Variants in ARNT2 observed in about 807,000 individuals in gnomAD.
The protein encoded by ARNT2 is ARNT protein 2.
A neutral mutation model predicts 91.7 loss-of-function variants in ARNT2; 36 were observed. The ratio of observed to expected loss-of-function variants is 0.39; its 90% CI spans 0.30 to 0.52. The LOEUF is 0.52. Ranked by LOEUF, ARNT2 falls within the 20% of genes least tolerant of loss-of-function variation. The pLI is 0.72. For missense variants in ARNT2, 775 were observed against 939.3 expected, an observed-to-expected ratio of 0.83 and a Z score of 2.29; for synonymous variants, 365 against 347.1, an observed-to-expected ratio of 1.05 and a Z score of -0.57.
At chr15:80,534,514 T>C (rs1471895933) in intron 8 of ARNT2, among the ~76,000 whole-genome samples, 3 of 152,238 alleles carry the variant, frequency 2.0e-5, no homozygotes, top group Non-Finnish European at 4.4e-5. Context: ...GACAATATTC[T>C]AGCACTTCTC....
Position 80,404,603 on chromosome 15 carries a change from C to G in ARNT2, c.31+57C>G. ...GCAGCCCGCAGGCCTTGCCCGGGGCCGGAGCGGACCAGGCGCGCCGGGCGC... is the reference window on the plus strand; with the variant it reads ...GCAGCCCGCAGGCCTTGCCCGGGGCGGGAGCGGACCAGGCGCGCCGGGCGC... On this transcript the variant is annotated intron_variant, in intron 1 of 18. Transcript: ENST00000303329. The surrounding 1 kb of genome is among the most constrained non-coding windows in gnomAD (Gnocchi z 5.5). 2.0e-6 allele frequency: 2 copies of G among 1,020,242 alleles called. No individual in the cohort carries two copies. The highest frequency in any genetic ancestry group is 1.2e-6 in the Non-Finnish European group (1 of 852,482). The allele number at this position is 1,020,242 out of a possible 1,614,324, so 63.2% of individuals were successfully genotyped here. A position where few individuals can be genotyped will look rare whatever the true frequency, so the allele number is the denominator to read the frequency against.
At chr15:80,592,882 T>G (rs1893304929) in intron 18 of ARNT2, among the ~76,000 whole-genome samples, 1 of 152,240 alleles carries the variant, frequency 6.6e-6, no homozygotes, top group South Asian at 2.1e-4. Flanking sequence ...GTTATTGAGT[T>G]TCTTTATTGC....
intron 17 of ARNT2, among the ~76,000 whole-genome samples, chr15:80,585,075 T>A (rs1898870507): frequency 6.6e-6 from 1 of 152,242 alleles, no homozygotes; most frequent in South Asian, 2.1e-4. Context: ...GTGAAACACA[T>A]GCTGGTTTTG....
chr15:80,461,698 G>A (rs536297905), intron 3 of ARNT2, among the ~76,000 whole-genome samples: 8 of 152,218 alleles, frequency 5.3e-5, no homozygotes, highest in East Asian at 1.9e-4. Context: ...GTGTGGGTGG[G>A]CAGTGGTGAT....
chr15:80,580,377 G>T, intron 15 of ARNT2, 34 bp from the exon 16 acceptor site: 1 of 1,613,174 alleles, frequency 6.2e-7, no homozygotes, highest in South Asian at 1.1e-5. Context: ...AACCAGGTGT[G>T]TCCTCGGGAT....
chr15:80,431,873 C>T (rs908706909), intron 1 of ARNT2, among the ~76,000 whole-genome samples: 13 of 152,188 alleles, frequency 8.5e-5, no homozygotes, highest in Admixed American at 7.2e-4. Context: ...GTGGAGAGCA[C>T]CCAGCAGGGG....
At chr15:80,510,334 C>G (rs1464385502) in intron 6 of ARNT2, among the ~76,000 whole-genome samples, 5 of 151,902 alleles carry the variant, frequency 3.3e-5, no homozygotes, top group African/African-American at 1.2e-4. Context: ...CTATAAGAAA[C>G]TTAAACAAAT....
At chr15:80,516,113 C>T (rs928884872) in intron 8 of ARNT2, among the ~76,000 whole-genome samples, 3 of 152,148 alleles carry the variant, frequency 2.0e-5, no homozygotes, top group African/African-American at 4.8e-5. Context: ...TCAGGTGATC[C>T]ACCTGCCTCG....
At chr15:80,577,051 T>C (rs1596022609) in intron 15 of ARNT2, 86 bp downstream of exon 15, 1 of 1,361,570 alleles carries the variant, frequency 7.3e-7, no homozygotes, top group East Asian at 2.3e-5. Context: ...CTCTGTGGGC[T>C]GTAAGCATGA....
intron 17 of ARNT2, among the ~76,000 whole-genome samples, chr15:80,586,733 G>T (rs185545953): frequency 2.6e-5 from 4 of 151,978 alleles, no homozygotes; most frequent in Admixed American, 2.6e-4. Context: ...GGGCATGGTG[G>T]TGCGCGCTGA....
In ARNT2 at chr15:80,435,845, TG is replaced by T. The variant is rs906426106; in HGVS notation, c.32-15034del. On this transcript the variant is annotated intron_variant, in intron 1 of 18. Coordinates refer to ENST00000303329, the MANE Select transcript of ARNT2 (RefSeq NM_014862.4). The stretch of plus-strand genomic sequence containing the variant: ...CATTTATTCATCCGTGTCAAAAATA[TG>T]TGTTGATGGTAAAAGGAATTTGAGG... 9.2e-5 allele frequency among the ~76,000 whole-genome samples: 14 copies of T among 151,772 alleles called. 1 individual carries two copies. The highest frequency in any genetic ancestry group is 3.4e-4 in the African/African-American group (14 of 41,328).
chr15:80,428,490 A>G (rs936798787), intron 1 of ARNT2, among the ~76,000 whole-genome samples: 1 of 152,216 alleles, frequency 6.6e-6, no homozygotes, highest in African/African-American at 2.4e-5. Flanking sequence ...GTAATTGTGC[A>G]GGAATTATCT....
Position 80,508,268 on chromosome 15 carries a change from G to A in ARNT2, c.725+10G>A, listed in dbSNP as rs753240935. ...TCATCTGCAGGATGAGGTCTGTTTT[G>A]GGGGAGCAGCAGGCCATCAGGTGGT... On this transcript the variant is annotated intron_variant, in intron 6 of 18. Transcript: ENST00000303329. The A allele has an allele frequency of 1.2e-6, 2 of 1,613,556 alleles. No individual in the cohort carries two copies. Among genetic ancestry groups the A allele is most frequent in the Admixed American group, 1.7e-5 (1 of 59,998 alleles).
At chr15:80,431,326 G>A (rs571883158) in intron 1 of ARNT2, among the ~76,000 whole-genome samples, 32 of 152,196 alleles carry the variant, frequency 2.1e-4, no homozygotes, top group Middle Eastern at 3.4e-3. Context: ...TGTAATCATC[G>A]TTCTTGCCAT....
rs769017961 is a variant in ARNT2 at position 80,580,433 on chromosome 15, G to A, written c.1636G>A (p.Gly546Arg). The change falls in exon 16 of 19, where the codon GGA becomes AGA. Residue 546 changes from glycine (G) to arginine (R), a missense_variant. Physicochemically the swap from Gly to Arg is moderately radical, Grantham distance 125. This residue lies in a region of ARNT2 where 325 missense variants were observed against 359.9 expected (regional missense o/e 0.90). Transcript: ENST00000303329. The part of the protein sequence containing the change: ...AFSSSVVHVP[G>R]VNDIQSSSST... ...TAGCTCTTCAGTGGTTCATGTGCCT[G>A]GAGTGAATGATATTCAGTCCTCTTC... 14 of 1,614,014 alleles carry A rather than the reference G, an allele frequency of 8.7e-6. No homozygotes were observed. In the Admixed American group the frequency reaches 2.3e-4, roughly 27 times the overall value.
intron 8 of ARNT2, among the ~76,000 whole-genome samples, chr15:80,534,908 C>T (rs1897796039): frequency 6.6e-6 from 1 of 152,158 alleles, no homozygotes. Context: ...TGTACCTGAA[C>T]CCAGGTTCAG....
chr15:80,446,942 A>C (rs1595966618), intron 1 of ARNT2, among the ~76,000 whole-genome samples: 1 of 152,344 alleles, frequency 6.6e-6, no homozygotes, highest in East Asian at 1.9e-4. Context: ...CCCTTTAAAA[A>C]GTATTATTCT....
intron 2 of ARNT2, among the ~76,000 whole-genome samples, chr15:80,454,284 G>A (rs895216859): frequency 3.9e-5 from 6 of 152,122 alleles, no homozygotes; most frequent in South Asian, 2.1e-4. Context: ...TTCAGTTGGG[G>A]GAAGCAGCAG....
chr15:80,475,543 G>A, intron 5 of ARNT2: 1 of 143,454 alleles, frequency 7.0e-6, no homozygotes. Flanking sequence ...CTGGGTGACA[G>A]AGTGAGACTC....
Sources: gnomAD v4.1 joint callset for allele counts (sites outside exome capture counted in the v4.1 genomes callset) on GRCh38, gnomAD v4.1.1 for gene constraint, gnomAD v4.1.1 regional missense constraint, Gnocchi (gnomAD v3.1) non-coding constraint, MANE v1.5 for transcripts, NCBI Gene and HGNC (gene_info 2026-07-23, HGNC 2026-07-21) for gene names.